Variants in MYH4 observed in about 807,000 individuals in gnomAD.
MYH4 encodes myosin-4.
Under a neutral mutation model 229.9 loss-of-function variants are expected in MYH4, and 200 were observed. The observed-to-expected ratio is 0.87, with a 90% CI of 0.78 to 0.98. MYH4 has a LOEUF of 0.98. MYH4 is among the 50% of genes least tolerant of loss of function. The pLI is 0.00. For missense variants in MYH4, 2,148 were observed against 2,332.6 expected (o/e 0.92, Z 1.63); for synonymous variants, 761 against 834.6 (o/e 0.91, Z 1.52).
chr17:10,466,690 T>G lies in MYH4; in HGVS notation c.56A>C (p.Lys19Thr). The change falls in exon 3 of 40, where the codon AAG becomes ACG. Residue 19 changes from lysine (K) to threonine (T), a missense_variant. By Grantham distance (78) the Lys-to-Thr change is moderately conservative. Coordinates refer to ENST00000255381, the MANE Select transcript of MYH4 (RefSeq NM_017533.2). ...IFGEAAPFLR[K>T]SEKERIEAQN... ...AGCTTCAATTCGCTCCTTTTCAGAC[T>G]TTCGGAGGAAAGGAGCAGCCTCCCC... 1 of 1,614,184 alleles carries G rather than the reference T, an allele frequency of 6.2e-7. No individual in the cohort carries two copies. The highest frequency in any genetic ancestry group is 8.5e-7 in the Non-Finnish European group (1 of 1,180,042).
In MYH4 at chr17:10,455,294, A is replaced by G. The variant is rs934095950; in HGVS notation, c.2176T>C (p.Tyr726His). 2.5e-6 allele frequency: 4 copies of G among 1,608,632 alleles called. No homozygotes were observed. Among genetic ancestry groups the G allele is most frequent in the African/African-American group, 2.7e-5 (2 of 74,644 alleles). ...ATAGCACTCGCATTTAGAACCTTGT[A>G]TCTGTCAGAATAAAAAGAATATAAA... ...RILYADFKQR[Y>H]KVLNASAIPE... is the part of the protein sequence containing the mutation. Residue 726 changes from tyrosine to histidine, a missense_variant and splice_region_variant, in exon 20 of 40, where the codon TAC becomes CAC. Physicochemically the swap from Tyr to His is moderately conservative, Grantham distance 83. Transcript: ENST00000255381.
chr17:10,449,177 T>C (rs2072546126), intron 30 of MYH4, 130 bp from the exon 31 acceptor site: 2 of 745,524 alleles, frequency 2.7e-6, no homozygotes, highest in Non-Finnish European at 2.1e-6. Flanking sequence ...TTTCTAAACA[T>C]TTTCACTCTC....
rs1307309485 is a variant in MYH4 at position 10,447,104 on chromosome 17, C to T, written c.5078G>A (p.Arg1693Lys). The change falls in exon 35 of 40, where the codon AGG becomes AAG. Residue 1693 changes from arginine to lysine, a missense_variant. Arg to Lys is a conservative substitution (Grantham distance 26). Transcript: ENST00000255381. ...TCTCTCAGTCCGTTCCAGGGATGCC[C>T]TGAGCTCTTCAACTTCAGCCTGCAT... ...NLMQAEVEEL[R>K]ASLERTERGR... is the part of the protein sequence containing the mutation. 3 of 1,614,014 alleles carry T rather than the reference C, an allele frequency of 1.9e-6. No homozygotes were observed. Among genetic ancestry groups the T allele is most frequent in the Non-Finnish European group, 8.5e-7 (1 of 1,180,024 alleles).
In MYH4 at chr17:10,451,015, A is replaced by C. The variant is rs1021823320; in HGVS notation, c.3866-120T>G. 2.6e-5 allele frequency: 23 copies of C among 895,206 alleles called. No homozygotes were observed. The African/African-American group carries it at 2.7e-4, about 10-fold the overall frequency. 55.5% of individuals were successfully genotyped at this position (895,206 alleles called of 1,614,324 possible). A position where few individuals can be genotyped will look rare whatever the true frequency, so the allele number is the denominator to read the frequency against. On this transcript the variant is annotated intron_variant, in intron 28 of 39. Transcript: ENST00000255381. The stretch of plus-strand genomic sequence containing the variant: ...GATGAAAAAACCCCTCAAGATTTTC[A>C]GTGATGTTGAGAAGGTTATTTCTTG...
chr17:10,457,812 A>C lies in MYH4; in HGVS notation c.1588-83T>G. Reference sequence around the variant, plus strand: ...GTAATTGATGGAAAACTGAAAATACAATGTTTCAAAAGAAGACTTTGAATG... The same window carrying C: ...GTAATTGATGGAAAACTGAAAATACCATGTTTCAAAAGAAGACTTTGAATG... On this transcript the variant is annotated intron_variant, in intron 15 of 39. Coordinates refer to ENST00000255381, the MANE Select transcript of MYH4 (RefSeq NM_017533.2). 4 of 1,479,922 alleles carry C rather than the reference A, an allele frequency of 2.7e-6. No individual in the cohort carries two copies. In the South Asian group the frequency reaches 5.4e-5, roughly 20 times the overall value. The allele number at this position is 1,479,922 out of a possible 1,614,324, so 91.7% of individuals were successfully genotyped here.
At position 10,459,963 on chromosome 17, in the gene MYH4, C is replaced by G; in HGVS notation, c.1405G>C (p.Glu469Gln). 1 of 1,613,982 alleles carries G rather than the reference C, an allele frequency of 6.2e-7. No individual in the cohort carries two copies. Among genetic ancestry groups the G allele is most frequent in the Non-Finnish European group, 8.5e-7 (1 of 1,179,928 alleles). ...FIGVLDIAGFEIFDFNSLEQL... is the reference protein window; with the variant it reads ...FIGVLDIAGFQIFDFNSLEQL... ...AGTTCACTACTCACATCAAAGATCT[C>G]AAAGCCAGCAATGTCCAAGACCCCG... Residue 469 changes from glutamate (E) to glutamine (Q), a missense_variant, in exon 14 of 40, where the codon GAG becomes CAG. Transcript: ENST00000255381.
At chr17:10,447,601 T>C (rs967236027) in intron 34 of MYH4, among the ~76,000 whole-genome samples, 1 of 152,188 alleles carries the variant, frequency 6.6e-6, no homozygotes, top group African/African-American at 2.4e-5. Context: ...TCCCTACCCC[T>C]CACCACAGTG....
At chr17:10,453,367 C>G (rs545355559) in intron 23 of MYH4, 39 bp from the exon 24 acceptor site, 2 of 1,613,094 alleles carry the variant, frequency 1.2e-6, no homozygotes, top group Non-Finnish European at 1.7e-6. Flanking sequence ...TCAATGACAA[C>G]GTATTATCTT....
chr17:10,446,878 T>C (rs1380047907), intron 35 of MYH4, 135 bp downstream of exon 35: 1 of 849,232 alleles, frequency 1.2e-6, no homozygotes, highest in African/African-American at 1.7e-5. Context: ...CAGTAAATCC[T>C]TACAGCACCC....
Position 10,463,381 on chromosome 17 carries a change from A to G in MYH4, c.762T>C (p.His254=), listed in dbSNP as rs763992009. 1.2e-6 allele frequency: 2 copies of G among 1,612,892 alleles called. No individual in the cohort carries two copies. The highest frequency in any genetic ancestry group is 2.2e-5 in the East Asian group (1 of 44,868). ...AAGCCAGTTTGCCTGTGGCACCAAA[A>G]TGGATCCTGATGAATTTACCCTTAA... ...SSRFGKFIRI[H]FGATGKLASA... Residue 254 remains histidine (H), a synonymous_variant, in exon 9 of 40, where the codon CAT becomes CAC. Transcript: ENST00000255381.
chr17:10,453,039 A>G, intron 24 of MYH4, 107 bp from the exon 25 acceptor site: 1 of 1,588,326 alleles, frequency 6.3e-7, no homozygotes, highest in Non-Finnish European at 8.6e-7. Context: ...AACAAATAGC[A>G]CAAGAACTTT....
At position 10,448,382 on chromosome 17, in the gene MYH4, A is replaced by ATAT; in HGVS notation, c.4656+13_4656+14insATA. 1 of 1,605,688 alleles carries ATAT rather than the reference A, an allele frequency of 6.2e-7. No individual in the cohort carries two copies. The highest frequency in any genetic ancestry group is 8.5e-7 in the Non-Finnish European group (1 of 1,177,672). On this transcript the variant is annotated intron_variant, in intron 33 of 39. Transcript: ENST00000255381. ...TTTATTTATAATGCAGAGCTAAGCA[A>ATAT]ATGAAAAATGTACCTCTGCTTCCTC...
intron 14 of MYH4, among the ~76,000 whole-genome samples, chr17:10,459,681 A>G (rs1170453385): frequency 3.3e-5 from 5 of 152,080 alleles, no homozygotes; most frequent in Non-Finnish European, 7.4e-5. Flanking sequence ...GAGTAATTTT[A>G]AAAAGGTGTT....
Position 10,452,297 on chromosome 17 carries a change from C to T in MYH4, c.3382G>A (p.Ala1128Thr), listed in dbSNP as rs775970722. 40 of 1,613,966 alleles carry T rather than the reference C, an allele frequency of 2.5e-5. No individual in the cohort carries two copies. In the Admixed American group the frequency reaches 6.3e-4, roughly 26 times the overall value. Residue 1128 changes from alanine (A) to threonine (T), a missense_variant, in exon 27 of 40, where the codon GCA becomes ACA. Physicochemically the swap from Ala to Thr is moderately conservative, Grantham distance 58 (BLOSUM62 0). Coordinates refer to ENST00000255381, the MANE Select transcript of MYH4 (RefSeq NM_017533.2). ...GCTTTGGCCCGGGAGGCCCGCTCTG[C>T]CTCGATTTCCTCCTCCAGCTCCTCA... ...RIEELEEEIE[A>T]ERASRAKAEK...
At chr17:10,465,416 C>T in intron 5 of MYH4, 26 bp downstream of exon 5, 1 of 1,611,594 alleles carries the variant, frequency 6.2e-7, no homozygotes, top group Non-Finnish European at 8.5e-7. Flanking sequence ...TTACAAATGG[C>T]TATGGAAATT....
chr17:10,464,482 C>T lies in MYH4; in HGVS notation c.638G>A (p.Gly213Asp), dbSNP rs574670297. The T allele has an allele frequency of 6.2e-6, 10 of 1,612,800 alleles. No homozygotes were observed. In the African/African-American group the frequency reaches 1.2e-4, roughly 19 times the overall value. The change falls in exon 7 of 40, where the codon GGC becomes GAC. Residue 213 changes from glycine (G) to aspartate (D), a missense_variant. Transcript: ENST00000255381. ...GAATATCATGCCCACCTGCATTTTG[C>T]CAGAGGCAGGTTCCTCTTTTTTCTT... ...GEKKKEEPAS[G>D]KMQGTLEDQI...
At chr17:10,453,380 T>A in intron 23 of MYH4, 52 bp from the exon 24 acceptor site, 1 of 1,612,506 alleles carries the variant, frequency 6.2e-7, no homozygotes, top group Non-Finnish European at 8.5e-7. Context: ...ATTATCTTGA[T>A]GAAAAACATG....
At chr17:10,459,138 G>T in intron 15 of MYH4, 113 bp downstream of exon 15, 1 of 1,526,620 alleles carries the variant, frequency 6.6e-7, no homozygotes, top group South Asian at 1.2e-5. Context: ...CAGAATATAC[G>T]AGTGTGTCAG....
At chr17:10,467,551 T>C (rs1222568578) in intron 2 of MYH4, among the ~76,000 whole-genome samples, 1 of 152,218 alleles carries the variant, frequency 6.6e-6, no homozygotes, top group African/African-American at 2.4e-5. Flanking sequence ...GAAAAGGAAC[T>C]TCTTAATTTT....
Sources: gnomAD v4.1 joint callset for allele counts (sites outside exome capture counted in the v4.1 genomes callset) on GRCh38, gnomAD v4.1.1 for gene constraint, MANE v1.5 for transcripts, NCBI Gene and HGNC (gene_info 2026-07-23, HGNC 2026-07-21) for gene names.